The following MACROD1 variants were observed in gnomAD, a reference collection of about 807,000 sequenced individuals.
MACROD1 encodes the protein ADP-ribose glycohydrolase MACROD1.
MACROD1 carries 31 observed loss-of-function variants against 41.4 expected under a neutral mutation model. The observed-to-expected ratio is 0.75, with a 90% CI of 0.56 to 1.01. MACROD1 has a LOEUF of 1.01. MACROD1 is among the 50% of genes least tolerant of loss of function. The pLI is 0.00. For synonymous variants in MACROD1, 252 were observed against 203.4 expected, an observed-to-expected ratio of 1.24 and a Z score of -2.03; for missense variants, 473 against 460.0, an observed-to-expected ratio of 1.03 and a Z score of -0.26.
intron 4 of MACROD1, among the ~76,000 whole-genome samples, chr11:64,013,465 C>T (rs1318260999): frequency 1.3e-5 from 2 of 152,208 alleles, no homozygotes; most frequent in South Asian, 2.1e-4. Context: ...CAGGAGTGGG[C>T]GGGGCCTGTC....
chr11:64,070,906 C>T (rs908804131), intron 3 of MACROD1, among the ~76,000 whole-genome samples: 5 of 152,012 alleles, frequency 3.3e-5, no homozygotes. Flanking sequence ...GGAAGGGGTA[C>T]CCATGGGTCC....
chr11:64,001,755 A>C, intron 4 of MACROD1: 1 of 702,200 alleles, frequency 1.4e-6, no homozygotes, highest in Admixed American at 2.0e-5. Flanking sequence ...GCTGAGATGG[A>C]GCAAGAAGGC....
At position 64,152,411 on chromosome 11, in the gene MACROD1, A is replaced by T. The variant is rs994140904; in HGVS notation, c.299-18T>A. The T allele has an allele frequency of 6.2e-7, 1 of 1,603,040 alleles. No individual in the cohort carries two copies. The highest frequency in any genetic ancestry group is 1.3e-5 in the African/African-American group (1 of 74,730). On this transcript the variant is annotated intron_variant, in intron 1 of 10. Transcript: ENST00000255681. The stretch of plus-strand genomic sequence containing the variant: ...CAGAAAGGCTGCAGAGGCAGGAAGG[A>T]GGATCAGGGTGGGGGCAGAGGAACG...
At chr11:64,131,106 C>T (rs1326555873) in intron 3 of MACROD1, among the ~76,000 whole-genome samples, 1 of 152,192 alleles carries the variant, frequency 6.6e-6, no homozygotes, top group African/African-American at 2.4e-5. Context: ...CAGGCGAGTG[C>T]CCCAGGAGGT....
intron 1 of MACROD1, among the ~76,000 whole-genome samples, chr11:64,161,817 C>G (rs984302937): frequency 1.5e-5 from 2 of 132,094 alleles, no homozygotes; most frequent in African/African-American, 5.8e-5. Flanking sequence ...CACCTGTAAC[C>G]TCAGCACTTT....
chr11:64,140,028 T>C (rs1283495028), intron 3 of MACROD1, among the ~76,000 whole-genome samples: 1 of 151,488 alleles, frequency 6.6e-6, no homozygotes, highest in Non-Finnish European at 1.5e-5. Flanking sequence ...CAGTTCTGTC[T>C]GGTAAGCAGC....
chr11:64,016,956 A>G (rs1943089945), intron 3 of MACROD1, among the ~76,000 whole-genome samples: 1 of 151,748 alleles, frequency 6.6e-6, no homozygotes, highest in Non-Finnish European at 1.5e-5. Context: ...CCACAAATGC[A>G]CATTTCTTTC....
chr11:64,089,679 C>G (rs1182948052), intron 3 of MACROD1, among the ~76,000 whole-genome samples: 1 of 152,228 alleles, frequency 6.6e-6, no homozygotes, highest in East Asian at 1.9e-4. Context: ...TTGAGAGAAG[C>G]TGGCCCAGGG....
At chr11:64,107,630 T>C (rs754130717) in intron 3 of MACROD1, among the ~76,000 whole-genome samples, 17 of 152,182 alleles carry the variant, frequency 1.1e-4, no homozygotes, top group Non-Finnish European at 7.3e-5. Flanking sequence ...TTAAAAGAAT[T>C]CCCGCCCCAG....
At chr11:63,999,128 T>C in intron 8 of MACROD1, 92 bp from the exon 9 acceptor site, 3 of 1,373,912 alleles carry the variant, frequency 2.2e-6, no homozygotes, top group Middle Eastern at 2.4e-4. Flanking sequence ...TTCACCTGCC[T>C]GGCCCTGCGC....
intron 4 of MACROD1, among the ~76,000 whole-genome samples, chr11:64,006,073 G>T (rs76765275): frequency 1.3e-5 from 2 of 152,234 alleles, no homozygotes; most frequent in African/African-American, 4.8e-5. Context: ...GGGGAAATGG[G>T]GGAAACTGAG....
In MACROD1 at chr11:64,074,032, C is replaced by T. The variant is rs894952882; in HGVS notation, c.518-58751G>A. On this transcript the variant is annotated intron_variant, in intron 3 of 10. Transcript: ENST00000255681. ...GCCCTGAGTCCCCAGCATGTCTGCTCCAGGGCCACTGTCAGCCCGGCCAGC... is the reference window on the plus strand; with the variant it reads ...GCCCTGAGTCCCCAGCATGTCTGCTTCAGGGCCACTGTCAGCCCGGCCAGC... 2.0e-5 allele frequency among the ~76,000 whole-genome samples: 3 copies of T among 152,180 alleles called. No individual in the cohort carries two copies. In the South Asian group the frequency reaches 6.2e-4, roughly 31 times the overall value.
chr11:63,999,318 G>T lies in MACROD1; in HGVS notation c.891+13C>A, dbSNP rs756713312. ...GGATGCGGACCCCACCCTCGCCCGGGCCCAGGACTCACCTTGTCCTTGTGC... is the reference window on the plus strand; with the variant it reads ...GGATGCGGACCCCACCCTCGCCCGGTCCCAGGACTCACCTTGTCCTTGTGC... On this transcript the variant is annotated intron_variant, in intron 8 of 10. Coordinates refer to ENST00000255681, the MANE Select transcript of MACROD1 (RefSeq NM_014067.4). 1 of 1,559,120 alleles carries T rather than the reference G, an allele frequency of 6.4e-7. No homozygotes were observed. Among genetic ancestry groups the T allele is most frequent in the Non-Finnish European group, 8.6e-7 (1 of 1,158,884 alleles).
intron 3 of MACROD1, chr11:64,148,877 C>CT: frequency 1.0e-6 from 1 of 985,518 alleles, no homozygotes; most frequent in Non-Finnish European, 1.2e-6. Flanking sequence ...CCCTGGAGGC[C>CT]TGACCAGTGC....
At chr11:64,057,018 C>G (rs888409275) in intron 3 of MACROD1, among the ~76,000 whole-genome samples, 6 of 152,194 alleles carry the variant, frequency 3.9e-5, no homozygotes, top group African/African-American at 1.4e-4. Context: ...GTGTCACCCC[C>G]CTAAGCAAGC....
chr11:64,033,120 C>A (rs1943315316), intron 3 of MACROD1, among the ~76,000 whole-genome samples: 1 of 152,222 alleles, frequency 6.6e-6, no homozygotes, highest in African/African-American at 2.4e-5. Context: ...GGCCCTCTGT[C>A]TTGGGGTCAC....
chr11:64,048,351 G>A lies in MACROD1; in HGVS notation c.518-33070C>T, dbSNP rs1043474728. On this transcript the variant is annotated intron_variant, in intron 3 of 10. Transcript: ENST00000255681. Reference sequence around the variant, plus strand: ...CAGTGCACTGTCCCTGCCCTGACCCGGGGTCAGCAGGACAGAGGCCCTTGT... The same window carrying A: ...CAGTGCACTGTCCCTGCCCTGACCCAGGGTCAGCAGGACAGAGGCCCTTGT... Among the ~76,000 whole-genome samples, 11 of 152,194 alleles carry A rather than the reference G, an allele frequency of 7.2e-5. No individual in the cohort carries two copies. The South Asian group carries it at 1.4e-3, about 20-fold the overall frequency.
Position 63,998,798 on chromosome 11 carries a change from C to T in MACROD1, c.*30+40G>A, listed in dbSNP as rs1294570177. 5 of 1,482,470 alleles carry T rather than the reference C, an allele frequency of 3.4e-6. No homozygotes were observed. The African/African-American group carries it at 4.2e-5, about 12-fold the overall frequency. 91.8% of individuals were successfully genotyped at this position (1,482,470 alleles called of 1,614,324 possible). ...AGCGGGGGTTAGTGGGCGGGTTAGT[C>T]TAGGGCCGGGGCCGCCGCACGGGGC... On this transcript the variant is annotated intron_variant, in intron 10 of 10. Coordinates refer to ENST00000255681, the MANE Select transcript of MACROD1 (RefSeq NM_014067.4).
chr11:64,141,259 C>A (rs1945409069), intron 3 of MACROD1, among the ~76,000 whole-genome samples: 1 of 152,222 alleles, frequency 6.6e-6, no homozygotes, highest in Admixed American at 6.5e-5. Context: ...GCCAAGCTGG[C>A]ACCAGGCCCG....
Sources: gnomAD v4.1 joint callset for allele counts (sites outside exome capture counted in the v4.1 genomes callset) on GRCh38, gnomAD v4.1.1 for gene constraint, MANE v1.5 for transcripts, NCBI Gene and HGNC (gene_info 2026-07-23, HGNC 2026-07-21) for gene names.